The following DNAH12 variants were observed in gnomAD, a reference collection of about 807,000 sequenced individuals.
The protein encoded by DNAH12 is axonemal beta dynein heavy chain 12.
A neutral mutation model predicts 371.5 loss-of-function variants in DNAH12; 285 were observed. That is an observed-to-expected ratio of 0.77 (90% CI 0.70 to 0.85). The LOEUF (loss-of-function observed/expected upper bound fraction) is 0.85, where lower values mean the gene tolerates loss of function less well. DNAH12 is among the 40% of genes least tolerant of loss of function. The pLI is 0.00. For synonymous variants in DNAH12, 1,200 were observed against 1,213.0 expected (o/e 0.99, Z 0.22); for missense variants, 3,611 against 3,689.4 (o/e 0.98, Z 0.55).
Position 57,454,826 on chromosome 3 carries a change from A to G in DNAH12, c.3405T>C (p.Ser1135=). The G allele has an allele frequency of 6.4e-7, 1 of 1,551,414 alleles. No individual in the cohort carries two copies. Residue 1135 remains serine (S), a synonymous_variant, in exon 23 of 74, where the codon TCT becomes TCC. Transcript: ENST00000495027. ...GTGTCTCAGATGTCCAGAACATTTGAGAAATACAAAGTACAACTTGGCCAG... is the reference window on the plus strand; with the variant it reads ...GTGTCTCAGATGTCCAGAACATTTGGGAAATACAAAGTACAACTTGGCCAG... ...EWPGQVVLCI[S]QMFWTSETQE... is the part of the protein sequence containing the mutation.
intron 45 of DNAH12, among the ~76,000 whole-genome samples, chr3:57,387,900 T>C (rs1369912959): frequency 6.6e-6 from 1 of 152,134 alleles, no homozygotes; most frequent in Non-Finnish European, 1.5e-5. Flanking sequence ...CCTCATGACT[T>C]TGTTAAGCCA....
At chr3:57,473,913 A>T (rs1002231615) in intron 13 of DNAH12, among the ~76,000 whole-genome samples, 1 of 152,172 alleles carries the variant, frequency 6.6e-6, no homozygotes, top group Admixed American at 6.5e-5. Context: ...GTGAAATTCA[A>T]AGTCCACTCA....
At chr3:57,529,286 T>C (rs1432350602) in intron 2 of DNAH12, among the ~76,000 whole-genome samples, 1 of 152,214 alleles carries the variant, frequency 6.6e-6, no homozygotes, top group African/African-American at 2.4e-5. Context: ...TCCTCCTCTA[T>C]TTTTCAGACT....
chr3:57,381,538 T>C (rs1370706179), intron 50 of DNAH12, among the ~76,000 whole-genome samples: 2 of 152,174 alleles, frequency 1.3e-5, no homozygotes, highest in Non-Finnish European at 2.9e-5. Context: ...CTAAGAACTT[T>C]ATATGTATTA....
intron 12 of DNAH12, 103 bp downstream of exon 12, chr3:57,489,406 A>G: frequency 8.3e-7 from 1 of 1,202,938 alleles, no homozygotes; most frequent in Non-Finnish European, 1.1e-6. Context: ...AAAAAGTTGT[A>G]CGTACTTACA....
chr3:57,435,057 T>C (rs556996923), intron 30 of DNAH12, among the ~76,000 whole-genome samples: 11 of 152,256 alleles, frequency 7.2e-5, no homozygotes, highest in Admixed American at 1.3e-4. Context: ...GGTAGGGTCA[T>C]TGTATCACAT....
intron 39 of DNAH12, among the ~76,000 whole-genome samples, chr3:57,412,929 T>G (rs1553683466): frequency 6.6e-6 from 1 of 152,208 alleles, no homozygotes; most frequent in African/African-American, 2.4e-5. Context: ...AGCAATTGTG[T>G]TCCTTGGTAT....
intron 60 of DNAH12, among the ~76,000 whole-genome samples, chr3:57,345,582 G>T (rs1484436293): frequency 1.2e-4 from 18 of 152,288 alleles, no homozygotes; most frequent in Non-Finnish European, 1.9e-4. Context: ...GTGGATAATT[G>T]TAACACTTAA....
At chr3:57,439,853 T>C (rs2065251316) in intron 29 of DNAH12, among the ~76,000 whole-genome samples, 2 of 149,432 alleles carry the variant, frequency 1.3e-5, no homozygotes, top group South Asian at 2.1e-4. Context: ...AAAAAAAACA[T>C]TTAAAAATGG....
chr3:57,494,269 T>C (rs1158482635), intron 11 of DNAH12, among the ~76,000 whole-genome samples: 7 of 150,690 alleles, frequency 4.6e-5, no homozygotes, highest in Non-Finnish European at 3.0e-5. Context: ...GTGTACTACA[T>C]TGGCTGGGCC....
intron 25 of DNAH12, among the ~76,000 whole-genome samples, chr3:57,450,250 TA>T (rs58958877): frequency 1.2e-3 from 117 of 98,522 alleles, no homozygotes; most frequent in Admixed American, 2.1e-3. Flanking sequence ...TGTCTCAATT[TA>T]AAAAAAAAAA....
chr3:57,351,914 A>C (rs1027630704), intron 60 of DNAH12, among the ~76,000 whole-genome samples, 171 bp downstream of exon 60: 1 of 152,208 alleles, frequency 6.6e-6, no homozygotes, highest in Non-Finnish European at 1.5e-5. Context: ...TTTAAAAATT[A>C]AATAAACACC....
At position 57,457,837 on chromosome 3, in the gene DNAH12, C is replaced by T; in HGVS notation, c.3220G>A (p.Glu1074Lys). The change falls in exon 22 of 74, where the codon GAG becomes AAG. Residue 1074 changes from glutamate (E) to lysine (K), a missense_variant. Glu to Lys is a moderately conservative substitution (Grantham distance 56). Coordinates refer to ENST00000495027, the MANE Select transcript of DNAH12 (RefSeq NM_001366028.2). ...GACGTGGAAATGAGTGCAATCAGCT[C>T]CACTCGCTCGCCCTCAGAGCTATAC... ...AMYSSEGERVELIALISTSAA... is the reference protein window; with the variant it reads ...AMYSSEGERVKLIALISTSAA... 6.4e-7 allele frequency: 1 copy of T among 1,551,566 alleles called. No homozygotes were observed. The highest frequency in any genetic ancestry group is 8.7e-7 in the Non-Finnish European group (1 of 1,146,984).
intron 1 of DNAH12, among the ~76,000 whole-genome samples, chr3:57,543,904 G>A (rs1044468191): frequency 1.3e-5 from 2 of 151,778 alleles, no homozygotes; most frequent in African/African-American, 4.8e-5. Flanking sequence ...AAAATTAGCC[G>A]GGCGTGGTGG....
chr3:57,402,154 A>G (rs1219926723), intron 43 of DNAH12, among the ~76,000 whole-genome samples: 1 of 152,202 alleles, frequency 6.6e-6, no homozygotes, highest in Non-Finnish European at 1.5e-5. Context: ...TTTTCCTTTC[A>G]TGTCTATGTA....
At chr3:57,461,383 C>G (rs1166740422) in intron 19 of DNAH12, 106 bp downstream of exon 19, 2 of 996,274 alleles carry the variant, frequency 2.0e-6, no homozygotes, top group Non-Finnish European at 2.9e-6. Flanking sequence ...TTTGAATAAA[C>G]ACTTAAAAAA....
At position 57,490,843 on chromosome 3, in the gene DNAH12, C is replaced by T. The variant is rs535516875; in HGVS notation, c.1336-1156G>A. 5.3e-5 allele frequency among the ~76,000 whole-genome samples: 8 copies of T among 152,188 alleles called. No individual in the cohort carries two copies. The East Asian group carries it at 1.2e-3, about 22-fold the overall frequency. On this transcript the variant is annotated intron_variant, in intron 11 of 73. Transcript: ENST00000495027. Reference sequence around the variant, plus strand: ...GTGGCTCACGCCTGTAATCCCAGCACTGTGGGAAGCCGAGGCGGGTGGACC... The same window carrying T: ...GTGGCTCACGCCTGTAATCCCAGCATTGTGGGAAGCCGAGGCGGGTGGACC...
At chr3:57,313,675 C>T (rs552455696) in intron 66 of DNAH12, among the ~76,000 whole-genome samples, 7 of 152,146 alleles carry the variant, frequency 4.6e-5, no homozygotes, top group Middle Eastern at 3.4e-3. Context: ...GGCATGGTGG[C>T]ATGTGCCTGT....
chr3:57,381,383 G>A (rs1037326573), intron 50 of DNAH12, among the ~76,000 whole-genome samples: 99,469 of 151,660 alleles, frequency 0.66, 33,302 homozygotes, highest in Non-Finnish European at 0.75. Flanking sequence ...CCAGGTATTA[G>A]AAAAACCTGA....
Sources: allele counts gnomAD v4.1 joint callset (sites outside exome capture counted in the v4.1 genomes callset), GRCh38; gene constraint gnomAD v4.1.1; transcripts MANE v1.5; gene names NCBI Gene and HGNC (gene_info 2026-07-23, HGNC 2026-07-21).